FAM81B: variants seen among roughly 807,000 people sequenced by gnomAD.
The protein encoded by FAM81B is family with sequence similarity 81 member B.
A neutral mutation model predicts 58.7 loss-of-function variants in FAM81B; 60 were observed. The observed-to-expected ratio is 1.02, with a 90% confidence interval of 0.83 to 1.27. FAM81B has a LOEUF of 1.27. Among genes scored for constraint, FAM81B ranks in the 50% most tolerant of loss-of-function variants. The pLI is 0.00. For synonymous variants in FAM81B, 189 were observed against 179.6 expected, an observed-to-expected ratio of 1.05 and a Z score of -0.42; for missense variants, 491 against 522.0, an observed-to-expected ratio of 0.94 and a Z score of 0.58.
Position 95,450,272 on chromosome 5 carries a change from A to G in FAM81B, c.1349A>G (p.Gln450Arg). ...TTACAGCGCAAGATAGTGGAACTCC[A>G]GGAAGTATAAACCTTTTCAGTCATC... ...KKLQRKIVEL[Q>R]EV is the part of the protein sequence containing the mutation. Residue 450 changes from glutamine to arginine, a missense_variant, in exon 10 of 10, where the codon CAG (glutamine) becomes CGG (arginine). By Grantham distance (43) the Gln-to-Arg change is conservative (BLOSUM62 1). Coordinates refer to ENST00000283357, the MANE Select transcript of FAM81B (RefSeq NM_152548.3). The G allele has an allele frequency of 6.2e-7, 1 of 1,612,510 alleles. No individual in the cohort carries two copies.
chr5:95,391,554 T>A, intron 1 of FAM81B, 41 bp downstream of exon 1: 2 of 1,564,344 alleles, frequency 1.3e-6, no homozygotes, highest in East Asian at 2.2e-5. Context: ...TTCTCCTACT[T>A]CACTATCTTT....
intron 3 of FAM81B, among the ~76,000 whole-genome samples, chr5:95,411,865 A>G (rs963666253): frequency 9.9e-5 from 15 of 152,250 alleles, no homozygotes; most frequent in African/African-American, 3.4e-4. Context: ...TTGACAAAAT[A>G]TACATAAAAC....
chr5:95,411,805 T>A (rs1217250580), intron 3 of FAM81B, among the ~76,000 whole-genome samples: 1 of 152,220 alleles, frequency 6.6e-6, no homozygotes, highest in Non-Finnish European at 1.5e-5. Flanking sequence ...ACATACACAA[T>A]GCTTACACAC....
At chr5:95,418,729 A>G (rs1205124430) in intron 4 of FAM81B, among the ~76,000 whole-genome samples, 5 of 152,184 alleles carry the variant, frequency 3.3e-5, no homozygotes, top group Admixed American at 3.3e-4. Context: ...AGACTACTGT[A>G]CTTCTAAGAC....
chr5:95,400,401 C>CACATACATACATACAT (rs754629589), intron 3 of FAM81B, among the ~76,000 whole-genome samples: 1 of 147,466 alleles, frequency 6.8e-6, no homozygotes, highest in Non-Finnish European at 1.5e-5. Context: ...CAGCCACCTT[C>CACATACATACATACAT]ACATACATAC....
intron 6 of FAM81B, among the ~76,000 whole-genome samples, chr5:95,434,714 AT>A (rs1203362929): frequency 6.6e-6 from 1 of 152,194 alleles, no homozygotes; most frequent in African/African-American, 2.4e-5. Context: ...CGTGAAATGA[AT>A]GATTCACTTA....
At chr5:95,394,310 G>C (rs1761906329) in intron 2 of FAM81B, among the ~76,000 whole-genome samples, 1 of 152,180 alleles carries the variant, frequency 6.6e-6, no homozygotes, top group South Asian at 2.1e-4. Context: ...AGGAGGACAA[G>C]TTAGTGCCCT....
chr5:95,440,258 A>C (rs1406243763), intron 7 of FAM81B: 14 of 763,386 alleles, frequency 1.8e-5, no homozygotes, highest in Non-Finnish European at 3.0e-5. Flanking sequence ...ATAATGCTGA[A>C]AAATACAAGG....
chr5:95,397,361 T>C (rs1761992126), intron 3 of FAM81B, among the ~76,000 whole-genome samples: 3 of 152,334 alleles, frequency 2.0e-5, no homozygotes, highest in Middle Eastern at 3.4e-3. Flanking sequence ...TTAAGGACAA[T>C]GAATGTAGTA....
At chr5:95,450,009 T>C (rs1745737643) in intron 9 of FAM81B, 140 bp from the exon 10 acceptor site, 2 of 905,396 alleles carry the variant, frequency 2.2e-6, no homozygotes, top group African/African-American at 3.4e-5. Context: ...TTATGTACAA[T>C]TTTAGGCTGG....
chr5:95,401,669 C>T (rs981238354), intron 3 of FAM81B, among the ~76,000 whole-genome samples: 2 of 151,902 alleles, frequency 1.3e-5, no homozygotes, highest in Admixed American at 1.3e-4. Context: ...AATCTTTCTT[C>T]GGTATGCCTT....
Position 95,440,962 on chromosome 5 carries a change from GAA to G in FAM81B, c.893+4060_893+4061del, listed in dbSNP as rs201643570. On this transcript the variant is annotated intron_variant, in intron 7 of 9. Transcript: ENST00000283357. ...TGAGAGAGAAGAGAAGAGCAATACTGAAAAAGTTTCCCCGTGCCACACCTACT... is the reference window on the plus strand; with the variant it reads ...TGAGAGAGAAGAGAAGAGCAATACTGAAAGTTTCCCCGTGCCACACCTACT... Among the ~76,000 whole-genome samples, 996 of 152,274 alleles carry G rather than the reference GAA, an allele frequency of 6.5e-3. 10 individuals carry two copies. The highest frequency in any genetic ancestry group is 0.023 in the African/African-American group (937 of 41,554).
intron 3 of FAM81B, among the ~76,000 whole-genome samples, chr5:95,413,105 C>G (rs2152763353): frequency 6.6e-6 from 1 of 152,252 alleles, no homozygotes; most frequent in South Asian, 2.1e-4. Flanking sequence ...AAGCATGGCA[C>G]TATGTGTGAA....
intron 3 of FAM81B, among the ~76,000 whole-genome samples, chr5:95,400,496 T>C (rs1262220218): frequency 6.6e-6 from 1 of 151,992 alleles, no homozygotes; most frequent in East Asian, 1.9e-4. Flanking sequence ...CATGCTGGAT[T>C]AGGGGCCCAC....
At chr5:95,412,352 A>C (rs7737471) in intron 3 of FAM81B, among the ~76,000 whole-genome samples, 41,289 of 152,076 alleles carry the variant, frequency 0.27, 5,833 homozygotes, top group Non-Finnish European at 0.3. Context: ...TGCAGAAGCA[A>C]TACTGATAAT....
At chr5:95,410,375 C>G (rs1300845056) in intron 3 of FAM81B, among the ~76,000 whole-genome samples, 1 of 152,156 alleles carries the variant, frequency 6.6e-6, no homozygotes, top group East Asian at 1.9e-4. Context: ...TTCAGTCACT[C>G]TCTCTGGATT....
intron 4 of FAM81B, among the ~76,000 whole-genome samples, chr5:95,417,188 C>T (rs572197287): frequency 2.4e-4 from 36 of 152,188 alleles, no homozygotes; most frequent in South Asian, 1.7e-3. Context: ...AATTGTTTTC[C>T]GGAAAGTTTA....
chr5:95,421,294 A>G (rs564838966), intron 5 of FAM81B, among the ~76,000 whole-genome samples: 11 of 152,244 alleles, frequency 7.2e-5, no homozygotes, highest in African/African-American at 1.4e-4. Context: ...CCCACACAGA[A>G]GAGAGGCTTC....
intron 3 of FAM81B, among the ~76,000 whole-genome samples, chr5:95,407,618 C>G (rs1762291346): frequency 6.6e-6 from 1 of 152,292 alleles, no homozygotes; most frequent in South Asian, 2.1e-4. Context: ...CCCCCAAAAC[C>G]TAACTGTTTT....
Sources: gnomAD v4.1 joint callset for allele counts (sites outside exome capture counted in the v4.1 genomes callset) on GRCh38, gnomAD v4.1.1 for gene constraint, MANE v1.5 for transcripts, NCBI Gene and HGNC (gene_info 2026-07-23, HGNC 2026-07-21) for gene names.